The following FGGY variants were observed in gnomAD, a reference collection of about 807,000 sequenced individuals.
FGGY encodes the protein FGGY carbohydrate kinase domain containing, also known as FGGY carbohydrate kinase domain-containing protein.
A neutral mutation model predicts 71.3 loss-of-function variants in FGGY; 72 were observed. The observed-to-expected ratio is 1.01, with a 90% CI of 0.84 to 1.23. The LOEUF is 1.23. Among genes scored for constraint, FGGY ranks in the 50% most tolerant of loss-of-function variants. The pLI is 0.00. For synonymous variants in FGGY, 251 were observed against 250.3 expected (o/e 1.00, Z -0.02); for missense variants, 668 against 682.3 (o/e 0.98, Z 0.23).
intron 8 of FGGY, among the ~76,000 whole-genome samples, chr1:59,570,393 AC>A (rs2095963617): frequency 6.6e-6 from 1 of 152,228 alleles, no homozygotes; most frequent in Non-Finnish European, 1.5e-5. Context: ...ATGAAGGAAA[AC>A]AAGTTTGAGA....
At chr1:59,494,597 A>T (rs1020511631) in intron 6 of FGGY, among the ~76,000 whole-genome samples, 1 of 152,176 alleles carries the variant, frequency 6.6e-6, no homozygotes, top group Non-Finnish European at 1.5e-5. Flanking sequence ...AAGGGAAATG[A>T]TGATTTTACT....
chr1:59,315,855 G>T (rs2153108191), intron 1 of FGGY: 1 of 151,630 alleles, frequency 6.6e-6, no homozygotes, highest in Non-Finnish European at 1.5e-5. Context: ...TTTTAGAACT[G>T]TCTCCCCTTG....
intron 11 of FGGY, among the ~76,000 whole-genome samples, chr1:59,659,158 C>T (rs2097251283): frequency 6.6e-6 from 1 of 152,170 alleles, no homozygotes; most frequent in Non-Finnish European, 1.5e-5. Context: ...GCCAAGATCA[C>T]ACCACTGCAC....
At chr1:59,305,158 G>A (rs982394527) in intron 1 of FGGY, among the ~76,000 whole-genome samples, 27 of 152,028 alleles carry the variant, frequency 1.8e-4, no homozygotes, top group Non-Finnish European at 1.9e-4. Context: ...AAAAGCTTTC[G>A]GCTTTTTGAT....
chr1:59,756,497 T>G (rs1262739552), intron 14 of FGGY, among the ~76,000 whole-genome samples: 1 of 152,260 alleles, frequency 6.6e-6, no homozygotes, highest in South Asian at 2.1e-4. Context: ...AGCGTAGTAT[T>G]TATCACACTC....
chr1:59,570,796 C>G (rs562442422), intron 8 of FGGY, among the ~76,000 whole-genome samples: 2 of 152,264 alleles, frequency 1.3e-5, no homozygotes, highest in South Asian at 2.1e-4. Context: ...CTTCCTTGAG[C>G]CTGGGCACAG....
intron 2 of FGGY, among the ~76,000 whole-genome samples, chr1:59,336,996 T>C (rs967979440): frequency 1.3e-5 from 2 of 149,504 alleles, no homozygotes; most frequent in Admixed American, 6.7e-5. Flanking sequence ...TATGTATATG[T>C]ACATGTATGT....
At chr1:59,626,959 A>G (rs1246296488) in intron 10 of FGGY, 2 of 152,262 alleles carry the variant, frequency 1.3e-5, no homozygotes, top group East Asian at 1.9e-4. Flanking sequence ...GAATGGGACC[A>G]TGGTAGTAGG....
chr1:59,594,700 A>G (rs2096497852), intron 8 of FGGY, among the ~76,000 whole-genome samples: 1 of 152,260 alleles, frequency 6.6e-6, no homozygotes, highest in African/African-American at 2.4e-5. Flanking sequence ...TCTGCCCTGC[A>G]GGTGAGAGCC....
At chr1:59,520,929 A>G (rs1383188852) in intron 7 of FGGY, among the ~76,000 whole-genome samples, 2 of 150,222 alleles carry the variant, frequency 1.3e-5, no homozygotes, top group Non-Finnish European at 3.0e-5. Context: ...CGTGCTGCGC[A>G]GGAGCCAGGC....
intron 2 of FGGY, among the ~76,000 whole-genome samples, chr1:59,324,652 C>G (rs1184690999): frequency 6.6e-6 from 1 of 152,136 alleles, no homozygotes; most frequent in East Asian, 1.9e-4. Flanking sequence ...TGAAGAGGTT[C>G]AGTAAGCAGC....
intron 1 of FGGY, among the ~76,000 whole-genome samples, chr1:59,309,164 A>C (rs1459321106): frequency 6.6e-6 from 1 of 152,152 alleles, no homozygotes. Context: ...TTTCTATGAA[A>C]AGTGTATGAA....
intron 6 of FGGY, among the ~76,000 whole-genome samples, chr1:59,473,367 A>C (rs2153552649): frequency 6.6e-6 from 1 of 152,296 alleles, no homozygotes; most frequent in East Asian, 1.9e-4. Flanking sequence ...AACTCCGAAC[A>C]CATCTGAACA....
intron 7 of FGGY, among the ~76,000 whole-genome samples, chr1:59,522,255 G>T (rs868515855): frequency 1.3e-5 from 2 of 152,210 alleles, no homozygotes; most frequent in African/African-American, 2.4e-5. Flanking sequence ...GAGCTCTCCC[G>T]TGTTGACCTG....
chr1:59,298,583 C>G (rs545721768), intron 1 of FGGY, among the ~76,000 whole-genome samples: 89 of 152,314 alleles, frequency 5.8e-4, no homozygotes, highest in African/African-American at 2.1e-3. Flanking sequence ...CTTTCCCTAA[C>G]CTTTCACTTA....
intron 9 of FGGY, among the ~76,000 whole-genome samples, chr1:59,615,491 T>C (rs934771312): frequency 7.2e-5 from 11 of 152,082 alleles, no homozygotes; most frequent in African/African-American, 2.2e-4. Flanking sequence ...ATACAAAAAT[T>C]AATTCAAGAT....
chr1:59,534,894 C>T (rs576608302), intron 7 of FGGY, among the ~76,000 whole-genome samples: 1 of 152,056 alleles, frequency 6.6e-6, no homozygotes, highest in African/African-American at 2.4e-5. Flanking sequence ...AATGTAAAGA[C>T]CATCGAGACT....
At chr1:59,497,167 G>T (rs1404012527) in intron 6 of FGGY, among the ~76,000 whole-genome samples, 1 of 152,150 alleles carries the variant, frequency 6.6e-6, no homozygotes, top group Non-Finnish European at 1.5e-5. Context: ...CCAAAACACA[G>T]ATATGTAGAC....
chr1:59,469,006 G>A (rs60520065), intron 6 of FGGY, among the ~76,000 whole-genome samples: 3,701 of 152,116 alleles, frequency 0.024, 165 homozygotes, highest in African/African-American at 0.085. Context: ...CTGAATCAAA[G>A]TTCAGGGATC....
Sources: gnomAD v4.1 joint callset for allele counts (sites outside exome capture counted in the v4.1 genomes callset) on GRCh38, gnomAD v4.1.1 for gene constraint, MANE v1.5 for transcripts, NCBI Gene and HGNC (gene_info 2026-07-23, HGNC 2026-07-21) for gene names.